MAPK8: variants seen among roughly 807,000 people sequenced by gnomAD.
MAPK8 encodes the protein JUN N-terminal kinase.
MAPK8 carries 13 observed loss-of-function variants against 52.9 expected under a neutral mutation model. That is an observed-to-expected ratio of 0.25 (90% CI 0.16 to 0.39). MAPK8 has a LOEUF of 0.39. Ranked by LOEUF, MAPK8 falls within the 10% of genes least tolerant of loss-of-function variation. The probability of loss-of-function intolerance (pLI) is 1.00; values close to 1 mark genes in which losing one functional copy is unlikely to be tolerated. For synonymous variants in MAPK8, 191 were observed against 169.8 expected, an observed-to-expected ratio of 1.12 and a Z score of -0.97; for missense variants, 300 against 519.2, an observed-to-expected ratio of 0.58 and a Z score of 4.10.
chr10:48,409,864 C>T lies in MAPK8; in HGVS notation c.253-15C>T, dbSNP rs573951833. The T allele has an allele frequency of 3.2e-5, 50 of 1,577,330 alleles. No individual in the cohort carries two copies. Among genetic ancestry groups the T allele is most frequent in the Middle Eastern group, 3.5e-4 (2 of 5,790 alleles). ...AGTAATTTCTAATTTTTCTGTCTCT[C>T]GACTTTTATTATAGATAATTGGCCT... On this transcript the variant is annotated splice_polypyrimidine_tract_variant and intron_variant, in intron 3 of 11. Coordinates refer to ENST00000374189, the MANE Select transcript of MAPK8 (RefSeq NM_001323329.2).
At chr10:48,404,193 G>T (rs1351972082) in intron 2 of MAPK8, among the ~76,000 whole-genome samples, 1 of 150,048 alleles carries the variant, frequency 6.7e-6, no homozygotes, top group Non-Finnish European at 1.5e-5. Context: ...TTTTGAGGGA[G>T]TCTACCAGGC....
At chr10:48,387,847 A>G (rs183178317) in intron 1 of MAPK8, among the ~76,000 whole-genome samples, 1 of 152,216 alleles carries the variant, frequency 6.6e-6, no homozygotes, top group East Asian at 1.9e-4. Flanking sequence ...AATTTTGACT[A>G]TGTCAGTTTT....
At chr10:48,385,462 T>C (rs1041736439) in intron 1 of MAPK8, among the ~76,000 whole-genome samples, 5 of 152,206 alleles carry the variant, frequency 3.3e-5, no homozygotes, top group Non-Finnish European at 7.3e-5. Context: ...ATGTATGTTA[T>C]TGAACCACTC....
At chr10:48,385,774 T>C (rs1033772079) in intron 1 of MAPK8, among the ~76,000 whole-genome samples, 1 of 152,190 alleles carries the variant, frequency 6.6e-6, no homozygotes, top group African/African-American at 2.4e-5. Context: ...CTTAGATTTG[T>C]CATATTTGGT....
chr10:48,393,574 C>A (rs548421026), intron 1 of MAPK8, among the ~76,000 whole-genome samples: 1 of 151,938 alleles, frequency 6.6e-6, no homozygotes, highest in Non-Finnish European at 1.5e-5. Flanking sequence ...AATAGAAAAC[C>A]CTCCTAGGGT....
chr10:48,432,248 T>C (rs1350912536), intron 11 of MAPK8, among the ~76,000 whole-genome samples: 2 of 152,182 alleles, frequency 1.3e-5, no homozygotes, highest in Non-Finnish European at 2.9e-5. Context: ...AGGAAAAAAA[T>C]AGATGTTGTA....
chr10:48,426,705 ACT>A, intron 9 of MAPK8: 1 of 554,358 alleles, frequency 1.8e-6, no homozygotes, highest in South Asian at 2.4e-5. Context: ...GTTACCTCCC[ACT>A]GTTTTTTGCA....
intron 1 of MAPK8, among the ~76,000 whole-genome samples, chr10:48,363,708 A>C (rs1291577993): frequency 6.6e-6 from 1 of 152,188 alleles, no homozygotes; most frequent in Admixed American, 6.5e-5. Context: ...CATCCACTAG[A>C]TGGCTCAAGT....
chr10:48,361,592 TTTAAAGCAAATAA>T (rs1259175073), intron 1 of MAPK8, among the ~76,000 whole-genome samples: 1 of 152,224 alleles, frequency 6.6e-6, no homozygotes, highest in Non-Finnish European at 1.5e-5. Context: ...ACTTTCACAC[TTTAAAGCAAATAA>T]AGTTTTTACC....
At chr10:48,375,549 C>A (rs1399344358) in intron 1 of MAPK8, among the ~76,000 whole-genome samples, 2 of 152,120 alleles carry the variant, frequency 1.3e-5, no homozygotes, top group African/African-American at 4.8e-5. Flanking sequence ...TCTCAGGATA[C>A]AAAATCAATG....
chr10:48,435,927 G>A lies in MAPK8; in HGVS notation c.*898G>A, dbSNP rs1440855050. 6.6e-6 allele frequency: 1 copy of A among 152,256 alleles called. No individual in the cohort carries two copies. The highest frequency in any genetic ancestry group is 1.5e-5 in the Non-Finnish European group (1 of 68,034). The allele number at this position is 152,256 out of a possible 1,614,324, so 9.4% of individuals were successfully genotyped here. The stretch of plus-strand genomic sequence containing the variant: ...TACACTGAGTTAATCTACTCAGGCT[G>A]TAGGTCCCAGCAATGTTCTAGAGTC... On this transcript the variant is annotated 3_prime_UTR_variant, in exon 12 of 12. Transcript: ENST00000374189.
intron 1 of MAPK8, among the ~76,000 whole-genome samples, chr10:48,362,589 A>T (rs1847635864): frequency 2.0e-5 from 3 of 151,632 alleles, no homozygotes; most frequent in Admixed American, 2.0e-4. Flanking sequence ...GGGTTTCTAA[A>T]ATCATTAAAT....
intron 1 of MAPK8, among the ~76,000 whole-genome samples, chr10:48,386,509 T>A (rs566995028): frequency 6.6e-6 from 1 of 152,232 alleles, no homozygotes; most frequent in Non-Finnish European, 1.5e-5. Flanking sequence ...ATAATCTACA[T>A]GCAGTTGAGC....
At chr10:48,396,076 A>G (rs1327834207) in intron 1 of MAPK8, among the ~76,000 whole-genome samples, 1 of 152,080 alleles carries the variant, frequency 6.6e-6, no homozygotes, top group African/African-American at 2.4e-5. Context: ...TACCAAATCC[A>G]TAAAGGAGAA....
At chr10:48,369,856 A>G (rs895190860) in intron 1 of MAPK8, among the ~76,000 whole-genome samples, 8 of 152,168 alleles carry the variant, frequency 5.3e-5, no homozygotes, top group Admixed American at 4.6e-4. Context: ...TCTGTTTAGG[A>G]GCAAGAAGTT....
Sources: gnomAD v4.1 joint callset for allele counts (sites outside exome capture counted in the v4.1 genomes callset) on GRCh38, gnomAD v4.1.1 for gene constraint, MANE v1.5 for transcripts, NCBI Gene and HGNC (gene_info 2026-07-23, HGNC 2026-07-21) for gene names.